PPM1L: variants seen among roughly 807,000 people sequenced by gnomAD.
The protein encoded by PPM1L is protein phosphatase, Mg2+/Mn2+ dependent 1L.
In PPM1L, 13 loss-of-function variants were observed where a neutral mutation model predicts 31.4. The ratio of observed to expected loss-of-function variants is 0.41; its 90% CI spans 0.27 to 0.66. The LOEUF (loss-of-function observed/expected upper bound fraction) is 0.66. Ranked by LOEUF, PPM1L falls within the 30% of genes least tolerant of loss-of-function variation. The pLI, the probability that PPM1L is intolerant of heterozygous loss-of-function variation, is 0.29. For synonymous variants in PPM1L, 184 were observed against 175.4 expected (o/e 1.05, Z -0.39); for missense variants, 326 against 453.7 (o/e 0.72, Z 2.56).
At chr3:160,864,906 TG>T (rs1444916529) in intron 1 of PPM1L, among the ~76,000 whole-genome samples, 4 of 152,304 alleles carry the variant, frequency 2.6e-5, no homozygotes, top group African/African-American at 7.2e-5. Context: ...GTAGAAAAAT[TG>T]GGTATCTAAA....
intron 1 of PPM1L, among the ~76,000 whole-genome samples, chr3:160,788,263 ATTTG>A (rs1256247140): frequency 2.6e-5 from 4 of 152,040 alleles, no homozygotes; most frequent in African/African-American, 9.7e-5. Context: ...ATGTTTTTCC[ATTTG>A]TTTGTGTCAT....
At chr3:160,961,682 T>C in intron 1 of PPM1L, 54 bp from the exon 2 acceptor site, 1 of 1,499,410 alleles carries the variant, frequency 6.7e-7, no homozygotes, top group East Asian at 2.5e-5. Flanking sequence ...AAGTAAAAAG[T>C]CTAAGGGGAG....
chr3:160,988,469 A>C (rs1717035334), intron 2 of PPM1L, among the ~76,000 whole-genome samples: 1 of 152,196 alleles, frequency 6.6e-6, no homozygotes, highest in Non-Finnish European at 1.5e-5. Context: ...GCCCCAGTCA[A>C]TAATTAACAA....
intron 2 of PPM1L, among the ~76,000 whole-genome samples, chr3:161,031,868 C>T (rs915406651): frequency 2.0e-5 from 3 of 152,088 alleles, no homozygotes; most frequent in South Asian, 2.1e-4. Context: ...TTAACTTACC[C>T]GCTAATGATG....
At chr3:160,899,414 A>G (rs765015262) in intron 1 of PPM1L, among the ~76,000 whole-genome samples, 1 of 152,178 alleles carries the variant, frequency 6.6e-6, no homozygotes, top group Non-Finnish European at 1.5e-5. Context: ...ATGTTGGGGA[A>G]GTACAGGGGT....
chr3:160,786,672 G>A (rs1329693390), intron 1 of PPM1L, among the ~76,000 whole-genome samples: 1 of 151,448 alleles, frequency 6.6e-6, no homozygotes, highest in Non-Finnish European at 1.5e-5. Flanking sequence ...ATGGGGGTTG[G>A]TGTATGGATT....
intron 1 of PPM1L, among the ~76,000 whole-genome samples, chr3:160,889,456 G>T (rs1414622406): frequency 6.6e-6 from 1 of 152,202 alleles, no homozygotes; most frequent in African/African-American, 2.4e-5. Context: ...TCAGGAAGAA[G>T]TTGAATCCTT....
intron 2 of PPM1L, among the ~76,000 whole-genome samples, chr3:161,046,933 C>T (rs1343923762): frequency 6.6e-6 from 1 of 152,110 alleles, no homozygotes; most frequent in African/African-American, 2.4e-5. Context: ...ATTGATGGGA[C>T]GTATCTCAAA....
intron 1 of PPM1L, among the ~76,000 whole-genome samples, chr3:160,951,279 C>T (rs920065731): frequency 1.3e-5 from 2 of 152,130 alleles, no homozygotes; most frequent in African/African-American, 4.8e-5. Context: ...CAAACTATTC[C>T]CCCTGAATCC....
At chr3:160,941,772 A>G (rs1223879388) in intron 1 of PPM1L, among the ~76,000 whole-genome samples, 1 of 152,156 alleles carries the variant, frequency 6.6e-6, no homozygotes, top group Non-Finnish European at 1.5e-5. Context: ...ATTATTTTGT[A>G]GTTATTTATT....
intron 2 of PPM1L, among the ~76,000 whole-genome samples, chr3:160,981,660 T>C (rs370125186): frequency 2.0e-5 from 3 of 152,052 alleles, no homozygotes; most frequent in Admixed American, 1.3e-4. Context: ...ATAGGGTGTA[T>C]TGCAAAAATA....
chr3:160,799,896 T>C (rs1265027973), intron 1 of PPM1L, among the ~76,000 whole-genome samples: 2 of 152,340 alleles, frequency 1.3e-5, no homozygotes, highest in East Asian at 1.9e-4. Context: ...CTATTATTTA[T>C]TTGTTTGTGT....
At chr3:160,813,377 T>C (rs1712869881) in intron 1 of PPM1L, among the ~76,000 whole-genome samples, 1 of 152,208 alleles carries the variant, frequency 6.6e-6, no homozygotes, top group Admixed American at 6.5e-5. Context: ...CCTCACTCTG[T>C]CATCCAGGCC....
At chr3:160,829,145 T>C (rs901549034) in intron 1 of PPM1L, among the ~76,000 whole-genome samples, 2 of 151,866 alleles carry the variant, frequency 1.3e-5, no homozygotes, top group African/African-American at 4.8e-5. Context: ...TGCTTGCCTC[T>C]GCCTGTTGTT....
At chr3:160,776,726 C>G (rs925062723) in intron 1 of PPM1L, among the ~76,000 whole-genome samples, 2 of 151,796 alleles carry the variant, frequency 1.3e-5, no homozygotes, top group African/African-American at 2.4e-5. Context: ...CCTCAGCCTC[C>G]TGTAACTGGG....
At chr3:161,041,640 C>A (rs1416973915) in intron 2 of PPM1L, among the ~76,000 whole-genome samples, 1 of 151,968 alleles carries the variant, frequency 6.6e-6, no homozygotes, top group African/African-American at 2.4e-5. Flanking sequence ...CCCAGCTACT[C>A]GGGAGGCTGA....
intron 1 of PPM1L, among the ~76,000 whole-genome samples, chr3:160,913,549 A>G (rs969956840): frequency 1.3e-5 from 2 of 152,208 alleles, no homozygotes; most frequent in East Asian, 1.9e-4. Context: ...GCCCCTTCCC[A>G]GTTATTCTCT....
rs547815048 is a variant in PPM1L at position 160,893,447 on chromosome 3, G to A, written c.400-68289G>A. Among the ~76,000 whole-genome samples the A allele has an allele frequency of 8.4e-4, 128 of 152,262 alleles. 1 individual carries two copies. The highest frequency in any genetic ancestry group is 2.9e-3 in the African/African-American group (120 of 41,564). Reference sequence around the variant, plus strand: ...ATATCCCTGGGACATAAACCAAATAGCATTTCCTATTCAGTCTCATCTGTC... The same window carrying A: ...ATATCCCTGGGACATAAACCAAATAACATTTCCTATTCAGTCTCATCTGTC... On this transcript the variant is annotated intron_variant, in intron 1 of 3. Transcript: ENST00000498165.
At chr3:160,764,523 A>G (rs1715056382) in intron 1 of PPM1L, among the ~76,000 whole-genome samples, 1 of 149,522 alleles carries the variant, frequency 6.7e-6, no homozygotes, top group Non-Finnish European at 1.5e-5. Context: ...CTGGAGTGCA[A>G]TGGCACGATC....
Sources: allele counts gnomAD v4.1 joint callset (sites outside exome capture counted in the v4.1 genomes callset), GRCh38; gene constraint gnomAD v4.1.1; transcripts MANE v1.5; gene names NCBI Gene and HGNC (gene_info 2026-07-23, HGNC 2026-07-21).